Variants in KCNK1 observed in about 807,000 individuals in gnomAD.
The protein encoded by KCNK1 is potassium channel subfamily K member 1.
A neutral mutation model predicts 22.2 loss-of-function variants in KCNK1; 10 were observed. The ratio of observed to expected loss-of-function variants is 0.45; its 90% confidence interval spans 0.28 to 0.76. KCNK1 has a LOEUF of 0.76. Ranked by LOEUF, KCNK1 falls within the 30% of genes least tolerant of loss-of-function variation. The probability of loss-of-function intolerance (pLI) is 0.14; values close to 1 mark genes in which losing one functional copy is unlikely to be tolerated. For missense variants in KCNK1, 378 were observed against 421.0 expected, an observed-to-expected ratio of 0.90 and a Z score of 0.89; for synonymous variants, 200 against 186.4, an observed-to-expected ratio of 1.07 and a Z score of -0.60.
At chr1:233,628,361 G>T (rs1323517058) in intron 1 of KCNK1, among the ~76,000 whole-genome samples, 1 of 152,190 alleles carries the variant, frequency 6.6e-6, no homozygotes. Flanking sequence ...TTCACTATTT[G>T]AGTGATGAGT....
Position 233,671,512 on chromosome 1 carries a change from T to C in KCNK1, c.993T>C (p.Asp331=), listed in dbSNP as rs1375112579. ...FVATQSSACV[D]GPANH ...CCACCCAGTCATCTGCCTGCGTGGA[T>C]GGCCCTGCAAACCATTGAGCGTAGG... Residue 331 remains aspartate, a synonymous_variant, in exon 3 of 3, where the codon GAT becomes GAC. Coordinates refer to ENST00000366621, the MANE Select transcript of KCNK1 (RefSeq NM_002245.4). 1 of 1,614,092 alleles carries C rather than the reference T, an allele frequency of 6.2e-7. No homozygotes were observed. Among genetic ancestry groups the C allele is most frequent in the East Asian group, 2.2e-5 (1 of 44,880 alleles).
At chr1:233,624,614 A>C (rs757132540) in intron 1 of KCNK1, among the ~76,000 whole-genome samples, 10 of 152,160 alleles carry the variant, frequency 6.6e-5, no homozygotes, top group Non-Finnish European at 1.0e-4. Context: ...CTTTTCTGAA[A>C]AATGAAGAAG....
chr1:233,658,107 G>T (rs780074), intron 1 of KCNK1, among the ~76,000 whole-genome samples: 138 of 152,112 alleles, frequency 9.1e-4, no homozygotes, highest in African/African-American at 3.1e-3. Context: ...CTAAAAATAT[G>T]AAAAAATAAG....
intron 1 of KCNK1, among the ~76,000 whole-genome samples, chr1:233,626,158 G>A (rs778758240): frequency 3.3e-5 from 5 of 151,956 alleles, no homozygotes; most frequent in Non-Finnish European, 7.4e-5. Context: ...GAAAAGTGGT[G>A]ATGAGAAGTG....
chr1:233,669,731 G>A (rs1658563745), intron 2 of KCNK1, among the ~76,000 whole-genome samples: 1 of 152,094 alleles, frequency 6.6e-6, no homozygotes, highest in African/African-American at 2.4e-5. Flanking sequence ...GGGAGGCGGA[G>A]GTTGCAGTAA....
At chr1:233,638,857 C>T (rs1200731735) in intron 1 of KCNK1, among the ~76,000 whole-genome samples, 3 of 152,206 alleles carry the variant, frequency 2.0e-5, no homozygotes, top group African/African-American at 7.2e-5. Flanking sequence ...GCTTGTTCTT[C>T]CTACATTTGG....
At position 233,672,008 on chromosome 1, in the gene KCNK1, G is replaced by A. The variant is rs1571908255; in HGVS notation, c.*478G>A. 6.1e-6 allele frequency: 1 copy of A among 162,786 alleles called. No individual in the cohort carries two copies. The highest frequency in any genetic ancestry group is 1.4e-5 in the Non-Finnish European group (1 of 74,022). 10.1% of individuals were successfully genotyped at this position (162,786 alleles called of 1,614,324 possible). A position where few individuals can be genotyped will look rare whatever the true frequency, so the allele number is the denominator to read the frequency against. ...CCCACCCAAAATGATTATTTTTGTA[G>A]AATCTAAGTTAAACTTACTATTTAT... On this transcript the variant is annotated 3_prime_UTR_variant, in exon 3 of 3. Transcript: ENST00000366621.
intron 1 of KCNK1, among the ~76,000 whole-genome samples, chr1:233,629,096 G>A (rs180682337): frequency 6.6e-6 from 1 of 152,278 alleles, no homozygotes; most frequent in African/African-American, 2.4e-5. Flanking sequence ...ATGTGGGGAT[G>A]CATTAAAAAA....
rs554387590 is a variant in KCNK1, at chr1:233,666,750, C to T, written c.511C>T (p.Arg171Cys). 61 of 1,614,196 alleles carry T rather than the reference C, an allele frequency of 3.8e-5. No individual in the cohort carries two copies. The highest frequency in any genetic ancestry group is 1.3e-4 in the Admixed American group (8 of 60,026). ...TRRPVLYFHI[R>C]WGFSKQVVAI... is the part of the protein sequence containing the mutation. ...CAGGCCGGTCCTCTACTTCCACATC[C>T]GCTGGGGCTTCTCCAAGCAGGTGGT... Residue 171 changes from arginine to cysteine, a missense_variant, in exon 2 of 3, where the codon CGC becomes TGC. Coordinates refer to ENST00000366621, the MANE Select transcript of KCNK1 (RefSeq NM_002245.4).
At chr1:233,663,853 A>G (rs1202124689) in intron 1 of KCNK1, among the ~76,000 whole-genome samples, 1 of 150,968 alleles carries the variant, frequency 6.6e-6, no homozygotes, top group African/African-American at 2.4e-5. Flanking sequence ...GGGGGTGGGG[A>G]CAGAGTCTCG....
At chr1:233,644,503 G>T (rs1558114575) in intron 1 of KCNK1, among the ~76,000 whole-genome samples, 1 of 152,204 alleles carries the variant, frequency 6.6e-6, no homozygotes, top group Non-Finnish European at 1.5e-5. Flanking sequence ...AGTAGTGGGG[G>T]CTACAACAAA....
In KCNK1 at chr1:233,666,618, T is replaced by G. The variant is rs1223671093; in HGVS notation, c.379T>G (p.Ser127Ala). Residue 127 changes from serine to alanine, a missense_variant, in exon 2 of 3, where the codon TCA becomes GCA. Transcript: ENST00000366621. Reference protein sequence around the residue: ...TTGYGHTVPLSDGGKAFCIIY... With the variant: ...TTGYGHTVPLADGGKAFCIIY... Reference sequence around the variant, plus strand: ...AGGTTATGGCCACACCGTGCCCTTGTCAGATGGAGGTAAGGCCTTCTGCAT... The same window carrying G: ...AGGTTATGGCCACACCGTGCCCTTGGCAGATGGAGGTAAGGCCTTCTGCAT... The G allele has an allele frequency of 6.2e-7, 1 of 1,611,196 alleles. No individual in the cohort carries two copies. Among genetic ancestry groups the G allele is most frequent in the Non-Finnish European group, 8.5e-7 (1 of 1,178,248 alleles).
rs530640817 is a variant in KCNK1 at position 233,633,230 on chromosome 1, CCTT to C, written c.355+18710_355+18712del. Reference sequence around the variant, plus strand: ...CCATACTAGATGGATTTGCCATTTGCCTTCTTCTGACAGGTATGAAATTGTCAA... The same window carrying C: ...CCATACTAGATGGATTTGCCATTTGCCTTCTGACAGGTATGAAATTGTCAA... On this transcript the variant is annotated intron_variant, in intron 1 of 2. Transcript: ENST00000366621. 2.0e-5 allele frequency among the ~76,000 whole-genome samples: 3 copies of C among 150,178 alleles called. No homozygotes were observed. In the South Asian group the frequency reaches 6.4e-4, roughly 32 times the overall value.
intron 1 of KCNK1, among the ~76,000 whole-genome samples, chr1:233,657,712 GAA>G (rs1201191157): frequency 1.3e-5 from 2 of 151,802 alleles, no homozygotes; most frequent in South Asian, 2.1e-4. Context: ...AATAAAGAAA[GAA>G]AGAGAGAGAG....
At position 233,667,005 on chromosome 1, in the gene KCNK1, TC is replaced by T; in HGVS notation, c.751+18del. ...TGGGATCACGTGTGAGTATTACAGC[TC>T]CCTGGCTGCTCCTTCTGTCTCCTTT... On this transcript the variant is annotated intron_variant, in intron 2 of 2. Transcript: ENST00000366621. 8 of 1,545,452 alleles carry T rather than the reference TC, an allele frequency of 5.2e-6. No individual in the cohort carries two copies. The highest frequency in any genetic ancestry group is 6.9e-6 in the Non-Finnish European group (8 of 1,151,132).
Position 233,637,880 on chromosome 1 carries a change from T to C in KCNK1, c.355+23354T>C, listed in dbSNP as rs554219821. On this transcript the variant is annotated intron_variant, in intron 1 of 2. Coordinates refer to ENST00000366621, the MANE Select transcript of KCNK1 (RefSeq NM_002245.4). ...AACCCTTAAGACCAGTGATTCTCAATGGGTTGTGGAGGGAGAGGGATAGGC... is the reference window on the plus strand; with the variant it reads ...AACCCTTAAGACCAGTGATTCTCAACGGGTTGTGGAGGGAGAGGGATAGGC... Among the ~76,000 whole-genome samples the C allele has an allele frequency of 2.0e-5, 3 of 152,190 alleles. No homozygotes were observed. In the South Asian group the frequency reaches 6.2e-4, roughly 32 times the overall value.
rs117488119 is a variant in KCNK1, at chr1:233,644,078, G to A, written c.356-22517G>A. Among the ~76,000 whole-genome samples, 380 of 152,298 alleles carry A rather than the reference G, an allele frequency of 2.5e-3. 8 individuals carry two copies. The East Asian group carries it at 0.052, about 21-fold the overall frequency. On this transcript the variant is annotated intron_variant, in intron 1 of 2. Transcript: ENST00000366621. Reference sequence around the variant, plus strand: ...AAAAAACAGAAATTTATTTCTCAAAGTTCTGGAGGCTGGGAAGTCCAAGAT... The same window carrying A: ...AAAAAACAGAAATTTATTTCTCAAAATTCTGGAGGCTGGGAAGTCCAAGAT...
At position 233,634,321 on chromosome 1, in the gene KCNK1, A is replaced by C. The variant is rs80287051; in HGVS notation, c.355+19795A>C. Among the ~76,000 whole-genome samples, 673 of 134,834 alleles carry C rather than the reference A, an allele frequency of 5.0e-3. 3 individuals carry two copies. The highest frequency in any genetic ancestry group is 0.016 in the African/African-American group (592 of 37,234). The allele number at this position is 134,834 out of a possible 152,430, so 88.5% of individuals were successfully genotyped here. ...TCTGTCTCAACAACAACAACAACAA[A>C]AAAAAAAAAAAAGAAAAAGAAAATA... is the stretch of plus-strand genomic sequence containing the variant. On this transcript the variant is annotated intron_variant, in intron 1 of 2. Transcript: ENST00000366621.
At chr1:233,632,362 G>T (rs942796337) in intron 1 of KCNK1, among the ~76,000 whole-genome samples, 1 of 152,162 alleles carries the variant, frequency 6.6e-6, no homozygotes, top group South Asian at 2.1e-4. Context: ...CAAATTACTG[G>T]ATAGAGCAAG....
Sources: gnomAD v4.1 joint callset for allele counts (sites outside exome capture counted in the v4.1 genomes callset) on GRCh38, gnomAD v4.1.1 for gene constraint, MANE v1.5 for transcripts, NCBI Gene and HGNC (gene_info 2026-07-23, HGNC 2026-07-21) for gene names.